Variants in THSD7A observed in about 807,000 individuals in gnomAD.
THSD7A encodes thrombospondin type-1 domain-containing protein 7A.
In THSD7A, 96 loss-of-function variants were observed where a neutral mutation model predicts 231.3. The ratio of observed to expected loss-of-function variants is 0.41; its 90% CI spans 0.35 to 0.49. The LOEUF is 0.49. Among genes scored for constraint, THSD7A ranks in the 20% least tolerant of loss-of-function variants. The probability of loss-of-function intolerance (pLI) is 0.05; values close to 1 mark genes in which losing one functional copy is unlikely to be tolerated. For synonymous variants in THSD7A, 940 were observed against 743.3 expected, an observed-to-expected ratio of 1.26 and a Z score of -4.30; for missense variants, 2,290 against 2,070.2, an observed-to-expected ratio of 1.11 and a Z score of -2.06.
intron 6 of THSD7A, among the ~76,000 whole-genome samples, chr7:11,525,001 T>C (rs1170765909): frequency 6.6e-6 from 1 of 152,248 alleles, no homozygotes; most frequent in Non-Finnish European, 1.5e-5. Context: ...ACTTTCACTT[T>C]CTGTGGATGA....
intron 1 of THSD7A, chr7:11,821,078 G>A: frequency 3.0e-6 from 3 of 992,400 alleles, no homozygotes; most frequent in Non-Finnish European, 4.7e-6. Context: ...AAGTACTGCG[G>A]GAAATGTCTA....
intron 4 of THSD7A, among the ~76,000 whole-genome samples, chr7:11,545,277 G>C (rs1222706402): frequency 1.3e-5 from 2 of 151,728 alleles, no homozygotes; most frequent in Non-Finnish European, 2.9e-5. Context: ...TTTAAATCTT[G>C]GTGCTACTAT....
intron 1 of THSD7A, among the ~76,000 whole-genome samples, chr7:11,736,453 CTG>C (rs61483307): frequency 0.012 from 1,664 of 143,030 alleles, 8 homozygotes; most frequent in African/African-American, 0.032. Flanking sequence ...ACAGCAGACT[CTG>C]TGTGTGTGTG....
At chr7:11,457,474 T>G (rs1166589744) in intron 11 of THSD7A, among the ~76,000 whole-genome samples, 1 of 152,096 alleles carries the variant, frequency 6.6e-6, no homozygotes, top group East Asian at 1.9e-4. Flanking sequence ...CACAATTTAT[T>G]TATTTTTGCC....
intron 9 of THSD7A, among the ~76,000 whole-genome samples, 198 bp downstream of exon 9, chr7:11,469,681 T>C (rs1785854008): frequency 6.6e-6 from 1 of 152,310 alleles, no homozygotes; most frequent in South Asian, 2.1e-4. Context: ...AAGCCAGGTT[T>C]TGGCATAAAC....
In THSD7A at chr7:11,704,509, A is replaced by C. The variant is rs538090242; in HGVS notation, c.191-67548T>G. ...AATTCCTCTGGTGGGCAAGGAGAAG[A>C]AGCAGGAAAGAGCCAGAGACTCTTT... is the stretch of plus-strand genomic sequence containing the variant. On this transcript the variant is annotated intron_variant, in intron 1 of 27. Coordinates refer to ENST00000423059, the MANE Select transcript of THSD7A (RefSeq NM_015204.3). Among the ~76,000 whole-genome samples, 33 of 150,914 alleles carry C rather than the reference A, an allele frequency of 2.2e-4. No homozygotes were observed. In the South Asian group the frequency reaches 6.6e-3, roughly 30 times the overall value.
At chr7:11,477,940 T>C (rs1340517722) in intron 7 of THSD7A, among the ~76,000 whole-genome samples, 1 of 152,160 alleles carries the variant, frequency 6.6e-6, no homozygotes, top group Non-Finnish European at 1.5e-5. Flanking sequence ...TTATTCTATA[T>C]TTATCTTTAC....
intron 1 of THSD7A, among the ~76,000 whole-genome samples, chr7:11,781,504 T>C (rs1783631314): frequency 6.6e-6 from 1 of 152,096 alleles, no homozygotes; most frequent in Non-Finnish European, 1.5e-5. Flanking sequence ...GGAAAAGTTA[T>C]TCTGAAACCC....
At chr7:11,789,380 C>T (rs1295229413) in intron 1 of THSD7A, among the ~76,000 whole-genome samples, 3 of 152,022 alleles carry the variant, frequency 2.0e-5, no homozygotes, top group Non-Finnish European at 2.9e-5. Flanking sequence ...ATCATACTGA[C>T]TGCTGTGCAG....
chr7:11,429,414 ACCTGTCT>A (rs1784414953), intron 13 of THSD7A, among the ~76,000 whole-genome samples: 1 of 152,200 alleles, frequency 6.6e-6, no homozygotes, highest in South Asian at 2.1e-4. Context: ...ATTGACAATA[ACCTGTCT>A]GCTGCCATAT....
rs1036910132 is a variant in THSD7A at position 11,677,370 on chromosome 7, A to C, written c.191-40409T>G. Among the ~76,000 whole-genome samples, 15 of 152,158 alleles carry C rather than the reference A, an allele frequency of 9.9e-5. No homozygotes were observed. In the Middle Eastern group the frequency reaches 0.02, roughly 207 times the overall value. On this transcript the variant is annotated intron_variant, in intron 1 of 27. Transcript: ENST00000423059. ...AGAAACTGCATCAACTAATGGGCAA[A>C]CTAACCAGCTAACATCATAATGACA...
rs537884612 is a variant in THSD7A at position 11,375,763 on chromosome 7, G to A, written c.*31C>T. 1.4e-5 allele frequency: 22 copies of A among 1,598,452 alleles called. No homozygotes were observed. Among genetic ancestry groups the A allele is most frequent in the South Asian group, 8.9e-5 (8 of 89,980 alleles). On this transcript the variant is annotated 3_prime_UTR_variant, in exon 28 of 28. Coordinates refer to ENST00000423059, the MANE Select transcript of THSD7A (RefSeq NM_015204.3). ...TGGACATCTATGAAGTCAGAAAGCC[G>A]AAACTGGTTGTTGCCAGGAAAAGTT...
In THSD7A at chr7:11,814,651, C is replaced by G. The variant is rs963888442; in HGVS notation, c.190+17106G>C. Reference sequence around the variant, plus strand: ...GCTGAAGCAGTTCAAAACCAGTTCTCTTATACAATGAGCCAAGAGAACTAA... The same window carrying G: ...GCTGAAGCAGTTCAAAACCAGTTCTGTTATACAATGAGCCAAGAGAACTAA... On this transcript the variant is annotated intron_variant, in intron 1 of 27. Transcript: ENST00000423059. The surrounding 1 kb of genome is among the most constrained non-coding windows in gnomAD (Gnocchi z 5.1). 2.6e-5 allele frequency among the ~76,000 whole-genome samples: 4 copies of G among 152,082 alleles called. No homozygotes were observed. Among genetic ancestry groups the G allele is most frequent in the Admixed American group, 2.0e-4 (3 of 15,264 alleles).
intron 13 of THSD7A, among the ~76,000 whole-genome samples, chr7:11,439,844 G>A (rs1784747273): frequency 2.6e-5 from 4 of 152,064 alleles, no homozygotes; most frequent in African/African-American, 9.7e-5. Flanking sequence ...TATAGAAGCT[G>A]CAGCAAGTTA....
chr7:11,467,850 T>C (rs1379971044), intron 9 of THSD7A, among the ~76,000 whole-genome samples: 3 of 151,928 alleles, frequency 2.0e-5, no homozygotes, highest in African/African-American at 7.2e-5. Context: ...ATTAAAATGG[T>C]TCCTAATTCC....
intron 4 of THSD7A, among the ~76,000 whole-genome samples, chr7:11,545,819 G>A (rs887243900): frequency 6.6e-6 from 1 of 152,154 alleles, no homozygotes; most frequent in Non-Finnish European, 1.5e-5. Flanking sequence ...AGAAATAGCT[G>A]CAGAAGAGCA....
At chr7:11,455,138 G>GT (rs1460188211) in intron 11 of THSD7A, among the ~76,000 whole-genome samples, 1 of 151,778 alleles carries the variant, frequency 6.6e-6, no homozygotes, top group Non-Finnish European at 1.5e-5. Flanking sequence ...TCTCTGCCTT[G>GT]TTTTTTCTCT....
At chr7:11,667,827 A>G (rs1248118951) in intron 1 of THSD7A, among the ~76,000 whole-genome samples, 1 of 152,204 alleles carries the variant, frequency 6.6e-6, no homozygotes, top group Admixed American at 6.5e-5. Flanking sequence ...TCTGAAAGGA[A>G]TTGCTCATCT....
chr7:11,646,596 G>C (rs560250762), intron 1 of THSD7A, among the ~76,000 whole-genome samples: 2 of 151,928 alleles, frequency 1.3e-5, no homozygotes, highest in Non-Finnish European at 2.9e-5. Flanking sequence ...CCCATTTCAG[G>C]CTACCGATCT....
Sources: allele counts gnomAD v4.1 joint callset (sites outside exome capture counted in the v4.1 genomes callset), GRCh38; gene constraint gnomAD v4.1.1; non-coding constraint Gnocchi (gnomAD v3.1); transcripts MANE v1.5; gene names NCBI Gene and HGNC (gene_info 2026-07-23, HGNC 2026-07-21).